The following ZMYM3 variants were observed in gnomAD, a reference collection of about 807,000 sequenced individuals.
ZMYM3 encodes the protein zinc finger MYM-type protein 3.
ZMYM3 carries 6 observed loss-of-function variants against 94.2 expected under a neutral mutation model. That is an observed-to-expected ratio of 0.06 (90% CI 0.03 to 0.13). The LOEUF is 0.13. Ranked by LOEUF, ZMYM3 falls within the 10% of genes least tolerant of loss-of-function variation. The probability of loss-of-function intolerance (pLI) is 1.00; values close to 1 mark genes in which losing one functional copy is unlikely to be tolerated. For synonymous variants in ZMYM3, 420 were observed against 426.5 expected (o/e 0.98, Z 0.19); for missense variants, 664 against 1,132.6 (o/e 0.59, Z 5.94).
rs1210877433 is a variant in ZMYM3 at position 71,242,237 on chromosome X, G to A, written c.3735C>T (p.Thr1245=). ...NVVRQSRKCT[T]PRGTTKVVSI... The stretch of plus-strand genomic sequence containing the variant: ...TCACCACCTTGGTGGTGCCCCGAGG[G>A]GTGGTACACTTGCGGGACTGCCGCA... Residue 1245 remains threonine, a synonymous_variant, in exon 23 of 25, where the codon ACC becomes ACT. Coordinates refer to ENST00000314425, the MANE Select transcript of ZMYM3 (RefSeq NM_201599.3). 2.5e-6 allele frequency: 3 copies of A among 1,207,481 alleles called. No individual in the cohort carries two copies. Among genetic ancestry groups the A allele is most frequent in the Non-Finnish European group, 3.4e-6 (3 of 893,253 alleles).
rs781558954 is a variant in ZMYM3 at position 71,253,094 on chromosome X, C to G, written c.162G>C (p.Ser54=). The G allele has an allele frequency of 1.7e-6, 2 of 1,201,885 alleles. No individual in the cohort carries two copies. The highest frequency in any genetic ancestry group is 1.7e-5 in the African/African-American group (1 of 57,527). ...GGGTATCAAGCAGGTCCAGGGCTCC[C>G]GAGGATGGAGAAGGGCCAGGGGGGG... ...GWAPPGPSPS[S]GALDLLDTPA... The change falls in exon 2 of 25, where the codon TCG becomes TCC. Residue 54 remains serine (S), a synonymous_variant. Transcript: ENST00000314425.
intron 7 of ZMYM3, 141 bp downstream of exon 7, chrX:71,249,320 A>C (rs2030334094): frequency 8.8e-7 from 1 of 1,136,672 alleles, no homozygotes; most frequent in Non-Finnish European, 1.2e-6. Flanking sequence ...AGCTTCAAAA[A>C]TAAAACATAA....
At position 71,245,745 on chromosome X, in the gene ZMYM3, A is replaced by G. The variant is rs1303329841; in HGVS notation, c.2783T>C (p.Leu928Ser). ...TGCCATAGCCAGGATGTCGGCCTCC[A>G]AGGGGTTGGAAGGGATCTTCACCTT... Reference protein sequence around the residue: ...ELKVKIPSNPLEADILAMAEM... With the variant: ...ELKVKIPSNPSEADILAMAEM... Residue 928 changes from leucine (L) to serine (S), a missense_variant, in exon 17 of 25, where the codon TTG (leucine) becomes TCG (serine). Transcript: ENST00000314425. 1 of 1,211,408 alleles carries G rather than the reference A, an allele frequency of 8.3e-7. No individual in the cohort carries two copies. The highest frequency in any genetic ancestry group is 2.2e-5 in the Admixed American group (1 of 45,989).
At chrX:71,251,319 G>C (rs1202618729) in intron 3 of ZMYM3, 75 bp from the exon 4 acceptor site, 7 of 968,991 alleles carry the variant, frequency 7.2e-6, no homozygotes, top group African/African-American at 5.9e-5. Context: ...GGTTTGGGGG[G>C]GGATAGAAGA....
Position 71,246,476 on chromosome X carries a change from TGGG to T in ZMYM3, c.2446_2448del (p.Pro816del). ...GCTGGGGGTGGTGGGGGTGGAGGGG[TGGG>T]AGCAGTGGGAGCTGATCGGGTCTTC... On this transcript the variant is annotated inframe_deletion, in exon 15 of 25. Coordinates refer to ENST00000314425, the MANE Select transcript of ZMYM3 (RefSeq NM_201599.3). The T allele has an allele frequency of 2.0e-5, 2 of 100,731 alleles. No homozygotes were observed. Among genetic ancestry groups the T allele is most frequent in the Non-Finnish European group, 3.5e-5 (2 of 56,493 alleles). 8.3% of individuals were successfully genotyped at this position (100,731 alleles called of 1,213,427 possible).
At chrX:71,245,541 A>G in intron 17 of ZMYM3, 56 bp from the exon 18 acceptor site, 1 of 1,169,472 alleles carries the variant, frequency 8.6e-7, no homozygotes, top group Non-Finnish European at 1.1e-6. Flanking sequence ...CACCCTCACA[A>G]GCTTTCAGGG....
In ZMYM3 at chrX:71,247,336, G is replaced by A. The variant is rs1167225277; in HGVS notation, c.2314+9C>T. The A allele has an allele frequency of 8.5e-7, 1 of 1,181,849 alleles. No individual in the cohort carries two copies. Among genetic ancestry groups the A allele is most frequent in the South Asian group, 1.9e-5 (1 of 53,701 alleles). ...CTCTAACAGAGTGTACCCCCTGCCTGGGACTCACTGTTCAGGAGGCTCTCG... is the reference window on the plus strand; with the variant it reads ...CTCTAACAGAGTGTACCCCCTGCCTAGGACTCACTGTTCAGGAGGCTCTCG... On this transcript the variant is annotated intron_variant, in intron 13 of 24. Transcript: ENST00000314425.
upstream of ZMYM3, chrX:71,254,978 C>G (rs185241322): frequency 2.2e-4 from 24 of 110,130 alleles, no homozygotes; most frequent in Non-Finnish European, 3.4e-4. Flanking sequence ...AAAGCTACCC[C>G]CTACTCTCTC....
intron 2 of ZMYM3, 58 bp from the exon 3 acceptor site, chrX:71,251,659 C>T (rs777624413): frequency 2.7e-5 from 30 of 1,106,940 alleles, no homozygotes; most frequent in South Asian, 1.9e-4. Context: ...ACCCTCTCCC[C>T]GGCCCAACCC....
chrX:71,253,129 G>T lies in ZMYM3; in HGVS notation c.127C>A (p.Arg43=), dbSNP rs771502723. 9.1e-6 allele frequency: 11 copies of T among 1,203,757 alleles called. No homozygotes were observed. Among genetic ancestry groups the T allele is most frequent in the Admixed American group, 4.4e-5 (2 of 45,068 alleles). ...GAAGGGCCAGGGGGGGCCCATCCTC[G>T]AGTTGGGGCAGTCTGGGATTCCAGT... The part of the protein sequence containing the change: ...DLLESQTAPT[R]GWAPPGPSPS... The change falls in exon 2 of 25, where the codon CGA becomes AGA. Residue 43 remains arginine (R), a synonymous_variant. Transcript: ENST00000314425.
In ZMYM3 at chrX:71,245,346, G is replaced by A; in HGVS notation, c.3000C>T (p.Phe1000=). ...GGCTCCAATCTTACTCACTCTTAGGGAAGTCTGCCTCCAAGTCTTGCCCAG... is the reference window on the plus strand; with the variant it reads ...GGCTCCAATCTTACTCACTCTTAGGAAAGTCTGCCTCCAAGTCTTGCCCAG... ...DEPGQDLEAD[F]PKNPLDINPS... The change falls in exon 18 of 25, where the codon TTC becomes TTT. Residue 1000 remains phenylalanine, a synonymous_variant. Coordinates refer to ENST00000314425, the MANE Select transcript of ZMYM3 (RefSeq NM_201599.3). 8.3e-7 allele frequency: 1 copy of A among 1,211,080 alleles called. No homozygotes were observed. Among genetic ancestry groups the A allele is most frequent in the Non-Finnish European group, 1.1e-6 (1 of 895,297 alleles).
chrX:71,251,806 G>GAA (rs1264670576), intron 2 of ZMYM3: 22 of 586,273 alleles, frequency 3.8e-5, no homozygotes, highest in Non-Finnish European at 4.1e-5. Flanking sequence ...GCTATTCCAT[G>GAA]AAAAAAAAAA....
Position 71,250,083 on chromosome X carries a change from G to A in ZMYM3, c.1194C>T (p.Pro398=). 1 of 1,205,199 alleles carries A rather than the reference G, an allele frequency of 8.3e-7. No individual in the cohort carries two copies. Among genetic ancestry groups the A allele is most frequent in the Non-Finnish European group, 1.1e-6 (1 of 892,713 alleles). Residue 398 remains proline, a synonymous_variant, in exon 6 of 25, where the codon CCC becomes CCT. Transcript: ENST00000314425. ...TAGCGTCGGCGGGATCCCCAGACTG[G>A]GGGATCGGGCGCTGCTGCTGGGCCT... The part of the protein sequence containing the change: ...LYEAQQQRPI[P]QSGDPADATR...
chrX:71,253,378 T>G lies in ZMYM3; in HGVS notation c.-19-104A>C, dbSNP rs541285930. ...CCCCATCATCCACTTGGATTTCTCA[T>G]GAGCAGCCCCCACCACCACAATCTA... On this transcript the variant is annotated intron_variant, in intron 1 of 24. Coordinates refer to ENST00000314425, the MANE Select transcript of ZMYM3 (RefSeq NM_201599.3). 29 of 640,859 alleles carry G rather than the reference T, an allele frequency of 4.5e-5. No homozygotes were observed. The South Asian group carries it at 1.2e-3, about 26-fold the overall frequency. The allele number at this position is 640,859 out of a possible 1,213,427, so 52.8% of individuals were successfully genotyped here. A position where few individuals can be genotyped will look rare whatever the true frequency, so the allele number is the denominator to read the frequency against.
In ZMYM3 at chrX:71,244,913, G is replaced by C. The variant is rs749787095; in HGVS notation, c.3008-20C>G. ...GAGGATCTAATGAAAAGGAAAGAAA[G>C]AAGAAATCAATTTCTTAAGATCTCA... On this transcript the variant is annotated intron_variant, in intron 18 of 24. Coordinates refer to ENST00000314425, the MANE Select transcript of ZMYM3 (RefSeq NM_201599.3). 8.6e-7 allele frequency: 1 copy of C among 1,159,588 alleles called. No individual in the cohort carries two copies. The highest frequency in any genetic ancestry group is 1.2e-6 in the Non-Finnish European group (1 of 852,897).
At chrX:71,242,048 C>CAGA (rs35738108) in intron 23 of ZMYM3, 122 bp downstream of exon 23, 313,918 of 978,482 alleles carry the variant, frequency 0.32, 43,754 homozygotes, top group East Asian at 0.77. Context: ...CACACAGGAA[C>CAGA]AGGAGAGGGA....
intron 23 of ZMYM3, 95 bp downstream of exon 23, chrX:71,242,075 G>T (rs1414514835): frequency 8.2e-6 from 9 of 1,100,817 alleles, no homozygotes; most frequent in Non-Finnish European, 1.1e-5. Flanking sequence ...GCGCCAAGGA[G>T]AGGGCCGACC....
chrX:71,252,234 T>C (rs2030514473), intron 2 of ZMYM3, among the ~76,000 whole-genome samples: 1 of 111,221 alleles, frequency 9.0e-6, no homozygotes, highest in Admixed American at 9.5e-5. Context: ...GTAAAGGTCT[T>C]AGAACCAAGA....
At chrX:71,245,566 T>C in intron 17 of ZMYM3, 81 bp from the exon 18 acceptor site, 1 of 1,154,557 alleles carries the variant, frequency 8.7e-7, no homozygotes, top group Middle Eastern at 2.4e-4. Context: ...ATCCCAACTA[T>C]CCTCCCATTC....
Sources: gnomAD v4.1 joint callset for allele counts (sites outside exome capture counted in the v4.1 genomes callset) on GRCh38, gnomAD v4.1.1 for gene constraint, MANE v1.5 for transcripts, NCBI Gene and HGNC (gene_info 2026-07-23, HGNC 2026-07-21) for gene names.